Variants in DSCAM observed in about 807,000 individuals in gnomAD.
The protein encoded by DSCAM is cell adhesion molecule DSCAM.
DSCAM carries 47 observed loss-of-function variants against 217.7 expected under a neutral mutation model. The ratio of observed to expected loss-of-function variants is 0.22; its 90% confidence interval spans 0.17 to 0.28. The LOEUF is 0.28. DSCAM is among the 10% of genes least tolerant of loss of function. DSCAM has a pLI of 1.00. For missense variants in DSCAM, 2,080 were observed against 2,618.3 expected (o/e 0.79, Z 4.49); for synonymous variants, 1,056 against 1,015.3 (o/e 1.04, Z -0.76).
intron 3 of DSCAM, among the ~76,000 whole-genome samples, chr21:40,578,367 C>T (rs778840620): frequency 2.6e-5 from 4 of 152,122 alleles, no homozygotes; most frequent in Non-Finnish European, 5.9e-5. Context: ...CACCAATCAG[C>T]GCTCTGTGTC....
At chr21:40,236,461 T>C (rs2073080849) in intron 11 of DSCAM, among the ~76,000 whole-genome samples, 1 of 152,102 alleles carries the variant, frequency 6.6e-6, no homozygotes, top group Non-Finnish European at 1.5e-5. Flanking sequence ...CTTCCAGTTC[T>C]GTAGGGTGTT....
At chr21:40,309,292 C>T (rs2074113142) in intron 9 of DSCAM, among the ~76,000 whole-genome samples, 1 of 152,196 alleles carries the variant, frequency 6.6e-6, no homozygotes, top group Non-Finnish European at 1.5e-5. Flanking sequence ...AAACAATATC[C>T]ATCAAGGTCA....
intron 3 of DSCAM, among the ~76,000 whole-genome samples, chr21:40,467,870 C>G (rs1215496429): frequency 7.1e-6 from 1 of 141,752 alleles, no homozygotes; most frequent in Non-Finnish European, 1.5e-5. Context: ...AAGCTGGGAA[C>G]TATATCAGGC....
At chr21:40,611,322 G>T (rs1439368519) in intron 3 of DSCAM, among the ~76,000 whole-genome samples, 1 of 152,028 alleles carries the variant, frequency 6.6e-6, no homozygotes, top group Non-Finnish European at 1.5e-5. Flanking sequence ...CTCACAAAGT[G>T]TTGGGATTAC....
chr21:40,678,763 A>C (rs561143785), intron 3 of DSCAM, among the ~76,000 whole-genome samples: 2 of 152,214 alleles, frequency 1.3e-5, no homozygotes, highest in Non-Finnish European at 2.9e-5. Flanking sequence ...CTCTGTGCTC[A>C]CCAAATGTGT....
intron 30 of DSCAM, among the ~76,000 whole-genome samples, chr21:40,045,044 G>A (rs542951748): frequency 1.3e-5 from 2 of 152,332 alleles, no homozygotes; most frequent in South Asian, 4.1e-4. Context: ...GTCCTTTTAA[G>A]AAGAGGACAC....
intron 30 of DSCAM, among the ~76,000 whole-genome samples, chr21:40,044,800 G>A (rs1057494668): frequency 1.1e-4 from 16 of 152,176 alleles, no homozygotes; most frequent in Non-Finnish European, 1.6e-4. Flanking sequence ...CCTGGGCATC[G>A]TCATATTCTG....
intron 20 of DSCAM, among the ~76,000 whole-genome samples, chr21:40,099,160 A>G (rs543562110): frequency 2.0e-5 from 3 of 152,236 alleles, no homozygotes; most frequent in Non-Finnish European, 4.4e-5. Context: ...TGTAGACAAC[A>G]TAGCTTTTAG....
At chr21:40,415,781 T>C (rs2075365347) in intron 3 of DSCAM, among the ~76,000 whole-genome samples, 1 of 152,136 alleles carries the variant, frequency 6.6e-6, no homozygotes, top group South Asian at 2.1e-4. Flanking sequence ...CTCATCCTTA[T>C]ACACTGCTTC....
chr21:40,414,993 A>G (rs1339227415), intron 3 of DSCAM, among the ~76,000 whole-genome samples: 1 of 152,246 alleles, frequency 6.6e-6, no homozygotes, highest in Non-Finnish European at 1.5e-5. Context: ...TTTATAATAT[A>G]TGCCTACAAC....
Position 40,692,851 on chromosome 21 carries a change from G to C in DSCAM, c.467C>G (p.Thr156Ser). 6.2e-7 allele frequency: 1 copy of C among 1,614,060 alleles called. No individual in the cohort carries two copies. Residue 156 changes from threonine to serine, a missense_variant, in exon 3 of 33, where the codon ACT (threonine) becomes AGT (serine). By Grantham distance (58) the Thr-to-Ser change is moderately conservative. Coordinates refer to ENST00000400454, the MANE Select transcript of DSCAM (RefSeq NM_001389.5). ...IIPSSVEAYI[T>S]VVSWEKDTVS... ...AGTGTCTTTCTCCCATGAGACGACA[G>C]TGATGTACGCCTCCACCGAGGAGGG...
intron 11 of DSCAM, among the ~76,000 whole-genome samples, chr21:40,232,560 T>A (rs947041371): frequency 6.6e-6 from 1 of 152,152 alleles, no homozygotes; most frequent in African/African-American, 2.4e-5. Context: ...CTGCCCAAGC[T>A]GTTTGACATT....
At chr21:40,279,196 G>A (rs2837552) in intron 10 of DSCAM, among the ~76,000 whole-genome samples, 49,934 of 152,052 alleles carry the variant, frequency 0.33, 8,510 homozygotes, top group South Asian at 0.38. Context: ...GAGCTAATGA[G>A]TATTTTATAA....
intron 26 of DSCAM, among the ~76,000 whole-genome samples, 187 bp from the exon 27 acceptor site, chr21:40,075,400 A>T (rs191889942): frequency 7.2e-5 from 11 of 152,244 alleles, no homozygotes; most frequent in African/African-American, 2.4e-4. Flanking sequence ...CCTCTGCCTG[A>T]ACTTCCAACT....
intron 1 of DSCAM, among the ~76,000 whole-genome samples, chr21:40,739,317 C>A (rs1276417161): frequency 2.0e-5 from 3 of 152,164 alleles, no homozygotes; most frequent in South Asian, 4.1e-4. Context: ...AAGGGGCAGC[C>A]CCAGAGAGGC....
intron 11 of DSCAM, among the ~76,000 whole-genome samples, chr21:40,244,646 T>C (rs1234085123): frequency 1.3e-5 from 2 of 152,086 alleles, no homozygotes; most frequent in Admixed American, 1.3e-4. Flanking sequence ...CAAAGCTAAG[T>C]AGCACCTTCT....
At chr21:40,455,384 AG>A (rs1326769441) in intron 3 of DSCAM, among the ~76,000 whole-genome samples, 1 of 152,200 alleles carries the variant, frequency 6.6e-6, no homozygotes, top group Admixed American at 6.5e-5. Context: ...AAAGAAAAAA[AG>A]GGAATTAAAA....
At chr21:40,306,873 T>A (rs916895000) in intron 9 of DSCAM, among the ~76,000 whole-genome samples, 140 of 151,760 alleles carry the variant, frequency 9.2e-4, no homozygotes, top group African/African-American at 3.3e-3. Flanking sequence ...TTTGCATCAA[T>A]GTTCATCAAG....
At chr21:40,230,729 G>A (rs1475163110) in intron 11 of DSCAM, among the ~76,000 whole-genome samples, 2 of 152,126 alleles carry the variant, frequency 1.3e-5, no homozygotes, top group African/African-American at 2.4e-5. Flanking sequence ...AGTGTGTTGT[G>A]TTAATTCCCA....
Sources: allele counts gnomAD v4.1 joint callset (sites outside exome capture counted in the v4.1 genomes callset), GRCh38; gene constraint gnomAD v4.1.1; transcripts MANE v1.5; gene names NCBI Gene and HGNC (gene_info 2026-07-23, HGNC 2026-07-21).